The following CTCFL variants were observed in gnomAD, a reference collection of about 807,000 sequenced individuals.
The protein encoded by CTCFL is CCCTC-binding factor like.
In CTCFL, 36 loss-of-function variants were observed where a neutral mutation model predicts 67.4. The ratio of observed to expected loss-of-function variants is 0.53; its 90% CI spans 0.41 to 0.71. The LOEUF is 0.71. CTCFL is among the 30% of genes least tolerant of loss of function. The pLI is 0.00. For synonymous variants in CTCFL, 324 were observed against 302.3 expected (o/e 1.07, Z -0.75); for missense variants, 786 against 835.2 (o/e 0.94, Z 0.73).
chr20:57,501,117 C>T (rs1488171546), intron 10 of CTCFL, among the ~76,000 whole-genome samples: 1 of 152,218 alleles, frequency 6.6e-6, no homozygotes, highest in Non-Finnish European at 1.5e-5. Flanking sequence ...GTTTATTCAA[C>T]AAGTGGTGAC....
intron 5 of CTCFL, chr20:57,518,526 AT>A (rs1208543106): frequency 7.1e-7 from 1 of 1,415,192 alleles, no homozygotes; most frequent in Admixed American, 2.9e-5. Flanking sequence ...TTTATTTGTA[AT>A]TTGTAAACCT....
chr20:57,522,785 G>A (rs1484465339), intron 3 of CTCFL, among the ~76,000 whole-genome samples: 2 of 152,166 alleles, frequency 1.3e-5, no homozygotes, highest in Non-Finnish European at 2.9e-5. Flanking sequence ...TCCCTCTGGG[G>A]CTGCAAACTA....
chr20:57,522,212 G>C (rs1328467269), intron 3 of CTCFL, among the ~76,000 whole-genome samples: 1 of 152,116 alleles, frequency 6.6e-6, no homozygotes, highest in Non-Finnish European at 1.5e-5. Context: ...GGCAGTGTTT[G>C]GTTGGCATTC....
rs1343344624 is a variant in CTCFL at position 57,512,628 on chromosome 20, C to A, written c.1455G>T (p.Arg485Ser). ...CATAACTGCAGTGTTTGCACTTGAACCTCTTCTCATTCTTATGAGTTTTCT... is the reference window on the plus strand; with the variant it reads ...CATAACTGCAGTGTTTGCACTTGAAACTCTTCTCATTCTTATGAGTTTTCT... ...QHQKTHKNEKRFKCKHCSYAC... is the reference protein window; with the variant it reads ...QHQKTHKNEKSFKCKHCSYAC... Residue 485 changes from arginine to serine, a missense_variant, in exon 8 of 11, where the codon AGG (arginine) becomes AGT (serine). Physicochemically the swap from Arg to Ser is moderately radical, Grantham distance 110. Around this residue, in one of 3 missense-constraint regions of CTCFL, gnomAD observed 254 missense variants for 333.9 expected, o/e 0.76. Transcript: ENST00000243914. The A allele has an allele frequency of 3.7e-6, 6 of 1,614,118 alleles. No homozygotes were observed. The highest frequency in any genetic ancestry group is 5.1e-6 in the Non-Finnish European group (6 of 1,180,046).
chr20:57,500,083 GTATT>G lies in CTCFL; in HGVS notation c.1841-1386_1841-1383del, dbSNP rs1355811189. 1.6e-4 allele frequency: 119 copies of G among 760,616 alleles called. No individual in the cohort carries two copies. The African/African-American group carries it at 3.1e-3, about 20-fold the overall frequency. 47.1% of individuals were successfully genotyped at this position (760,616 alleles called of 1,614,324 possible). ...ATATTTTTGTCCATGCTTCCTTGAA[GTATT>G]TTTTTTTTTTTTTTTTTGGTGGATG... On this transcript the variant is annotated intron_variant, in intron 10 of 10. Transcript: ENST00000243914.
chr20:57,519,412 G>C (rs2069179485), intron 3 of CTCFL, 35 bp from the exon 4 acceptor site: 1 of 1,580,240 alleles, frequency 6.3e-7, no homozygotes, highest in Non-Finnish European at 8.7e-7. Context: ...ATTTGTTAGA[G>C]GTTCAAATTC....
chr20:57,499,346 G>A (rs2067805558), intron 10 of CTCFL, among the ~76,000 whole-genome samples: 1 of 152,130 alleles, frequency 6.6e-6, no homozygotes, highest in Non-Finnish European at 1.5e-5. Context: ...TGGGGCCAGC[G>A]CCAGGCGTGT....
At chr20:57,512,523 A>G (rs534617279) in intron 8 of CTCFL, 69 bp downstream of exon 8, 1 of 1,481,526 alleles carries the variant, frequency 6.7e-7, no homozygotes, top group Admixed American at 1.8e-5. Flanking sequence ...TCAAGGTGGT[A>G]GAGAATCCCA....
In CTCFL at chr20:57,518,783, G is replaced by A. The variant is rs1368393101; in HGVS notation, c.1034C>T (p.Ser345Phe). The change falls in exon 5 of 11, where the codon TCC becomes TTC. Residue 345 changes from serine (S) to phenylalanine (F), a missense_variant. This residue lies in a region of CTCFL where 254 missense variants were observed against 333.9 expected (regional missense o/e 0.76). Transcript: ENST00000243914. ...CTCCACACTGGCATACTTGCACATGGAACATTTAAAGGGTTTCTCATGAGT... is the reference window on the plus strand; with the variant it reads ...CTCCACACTGGCATACTTGCACATGAAACATTTAAAGGGTTTCTCATGAGT... The part of the protein sequence containing the change: ...KHTHEKPFKC[S>F]MCKYASVEAS... 5.0e-6 allele frequency: 8 copies of A among 1,614,026 alleles called. No individual in the cohort carries two copies. Among genetic ancestry groups the A allele is most frequent in the Non-Finnish European group, 5.9e-6 (7 of 1,180,040 alleles).
At position 57,498,721 on chromosome 20, in the gene CTCFL, T is replaced by C. The variant is rs775343488; in HGVS notation, c.1841-20A>G. On this transcript the variant is annotated intron_variant, in intron 10 of 10. Transcript: ENST00000243914. ...CAGCTTCTTGAGAAAAAGTCCAGGATGAGCAAATTTATCAGAAAGCTAAGG... is the reference window on the plus strand; with the variant it reads ...CAGCTTCTTGAGAAAAAGTCCAGGACGAGCAAATTTATCAGAAAGCTAAGG... 40 of 1,593,704 alleles carry C rather than the reference T, an allele frequency of 2.5e-5. No individual in the cohort carries two copies. Among genetic ancestry groups the C allele is most frequent in the Non-Finnish European group, 2.6e-5 (30 of 1,168,598 alleles).
At chr20:57,516,854 TA>T (rs1446287581) in intron 5 of CTCFL, among the ~76,000 whole-genome samples, 1 of 152,266 alleles carries the variant, frequency 6.6e-6, no homozygotes, top group Non-Finnish European at 1.5e-5. Context: ...GATTGCCTTC[TA>T]GAACTATTCT....
At chr20:57,504,601 G>A (rs373667818) in intron 9 of CTCFL, among the ~76,000 whole-genome samples, 12 of 151,844 alleles carry the variant, frequency 7.9e-5, no homozygotes, top group East Asian at 1.9e-4. Context: ...CCTAACATCC[G>A]TCCCTGAGTT....
chr20:57,503,561 TC>T lies in CTCFL; in HGVS notation c.1714del (p.Glu572LysfsTer21). 6.2e-7 allele frequency: 1 copy of T among 1,613,906 alleles called. No individual in the cohort carries two copies. The highest frequency in any genetic ancestry group is 8.5e-7 in the Non-Finnish European group (1 of 1,179,966). ...HRHSEKCGSG[E>X]AKSAASGKGR... The stretch of plus-strand genomic sequence containing the variant: ...CTTTCCTGAAGCAGCCGACTTTGCT[TC>T]CCCTGATCCACACTTCTCCGAATGT... On this transcript the variant is annotated frameshift_variant, in exon 10 of 11. Coordinates refer to ENST00000243914, the MANE Select transcript of CTCFL (RefSeq NM_001386993.1). LOFTEE classifies it high-confidence loss of function.
At chr20:57,501,459 T>TA (rs1017058862) in intron 10 of CTCFL, among the ~76,000 whole-genome samples, 47 of 151,960 alleles carry the variant, frequency 3.1e-4, no homozygotes, top group African/African-American at 1.0e-3. Context: ...GAAGGGGCCT[T>TA]AGATGGGAGG....
chr20:57,519,295 G>T lies in CTCFL; in HGVS notation c.837C>A (p.His279Gln), dbSNP rs767188369. Residue 279 changes from histidine to glutamine, a missense_variant, in exon 4 of 11, where the codon CAC becomes CAA. Transcript: ENST00000243914. The stretch of plus-strand genomic sequence containing the variant: ...GACACAGGTGAGGCTTCTCACTGGT[G>T]TGAGTTTTCATATGACGATTAAAAC... ...MSSFNRHMKT[H>Q]TSEKPHLCHL... is the part of the protein sequence containing the mutation. 6.2e-7 allele frequency: 1 copy of T among 1,614,078 alleles called. No individual in the cohort carries two copies. The highest frequency in any genetic ancestry group is 8.5e-7 in the Non-Finnish European group (1 of 1,179,972).
intron 3 of CTCFL, among the ~76,000 whole-genome samples, chr20:57,520,674 A>C (rs1008523556): frequency 7.2e-5 from 11 of 152,274 alleles, no homozygotes; most frequent in South Asian, 4.1e-4. Context: ...AAAAACAACA[A>C]CACAAGATCA....
intron 3 of CTCFL, among the ~76,000 whole-genome samples, chr20:57,520,372 T>A (rs891664283): frequency 2.0e-5 from 3 of 152,240 alleles, no homozygotes; most frequent in African/African-American, 7.2e-5. Flanking sequence ...AGACTTCAGA[T>A]GTTGGAATCA....
In CTCFL at chr20:57,503,518, C is replaced by G. The variant is rs1222463253; in HGVS notation, c.1758G>C (p.Lys586Asn). ...CTTCCTTCAGGATGGTCTGCTTCCTCTTTCTTGTTCTTCTTCCCTTTCCTG... is the reference window on the plus strand; with the variant it reads ...CTTCCTTCAGGATGGTCTGCTTCCTGTTTCTTGTTCTTCTTCCCTTTCCTG... ...AASGKGRRTR[K>N]RKQTILKEAT... The change falls in exon 10 of 11, where the codon AAG becomes AAC. Residue 586 changes from lysine (K) to asparagine (N), a missense_variant. By Grantham distance (94) the Lys-to-Asn change is moderately conservative (BLOSUM62 0). Around this residue, in one of 3 missense-constraint regions of CTCFL, gnomAD observed 199 missense variants for 196.7 expected, o/e 1.01. Transcript: ENST00000243914. The G allele has an allele frequency of 6.2e-7, 1 of 1,614,222 alleles. No homozygotes were observed.
At chr20:57,512,251 G>C (rs1321488678) in intron 8 of CTCFL, among the ~76,000 whole-genome samples, 2 of 152,150 alleles carry the variant, frequency 1.3e-5, no homozygotes, top group African/African-American at 4.8e-5. Context: ...ATTCCACTGG[G>C]TGTCACTGCC....
Sources: gnomAD v4.1 joint callset for allele counts (sites outside exome capture counted in the v4.1 genomes callset) on GRCh38, gnomAD v4.1.1 for gene constraint, gnomAD v4.1.1 regional missense constraint, MANE v1.5 for transcripts, NCBI Gene and HGNC (gene_info 2026-07-23, HGNC 2026-07-21) for gene names.